Variants in CARHSP1 observed in about 807,000 individuals in gnomAD.
CARHSP1 encodes the protein calcium regulated heat stable protein 1, also known as calcium-regulated heat-stable protein 1.
A neutral mutation model predicts 12.5 loss-of-function variants in CARHSP1; 14 were observed. The observed-to-expected ratio is 1.12, with a 90% confidence interval of 0.74 to 1.75. CARHSP1 has a LOEUF of 1.75. Among genes scored for constraint, CARHSP1 ranks in the 40% most tolerant of loss-of-function variants. CARHSP1 has a pLI of 0.00. For missense variants in CARHSP1, 343 were observed against 201.6 expected (o/e 1.70, Z -4.25); for synonymous variants, 161 against 82.0 (o/e 1.96, Z -5.20).
At chr16:8,859,377 G>A (rs555766138) in intron 1 of CARHSP1, 42 bp from the exon 2 acceptor site, 4 of 1,562,288 alleles carry the variant, frequency 2.6e-6, no homozygotes, top group East Asian at 2.3e-5. Flanking sequence ...GCCTTGCAAG[G>A]TAGGGACCCT....
At chr16:8,864,111 G>A (rs2061416444) in intron 1 of CARHSP1, among the ~76,000 whole-genome samples, 1 of 152,244 alleles carries the variant, frequency 6.6e-6, no homozygotes, top group Non-Finnish European at 1.5e-5. Context: ...CTGCCAGGCT[G>A]CATGTACATG....
intron 1 of CARHSP1, chr16:8,860,603 A>C: frequency 1.4e-6 from 1 of 724,392 alleles, no homozygotes; most frequent in Non-Finnish European, 1.7e-6. Flanking sequence ...GGTGGGCATC[A>C]CTTGGCACCT....
chr16:8,855,377 C>G, intron 3 of CARHSP1, 51 bp from the exon 4 acceptor site: 1 of 1,411,738 alleles, frequency 7.1e-7, no homozygotes, highest in Non-Finnish European at 9.4e-7. Context: ...ACACAGCTCC[C>G]TTCCCCAAGA....
chr16:8,864,554 C>T (rs2061424025), intron 1 of CARHSP1, among the ~76,000 whole-genome samples: 3 of 152,224 alleles, frequency 2.0e-5, no homozygotes, highest in African/African-American at 7.2e-5. Flanking sequence ...GGTCGCCCGG[C>T]TAACAAAGAC....
intron 3 of CARHSP1, 111 bp from the exon 4 acceptor site, chr16:8,855,437 C>T: frequency 2.1e-6 from 2 of 960,602 alleles, no homozygotes; most frequent in Non-Finnish European, 2.8e-6. Context: ...CACCATCTGA[C>T]CAACCACCGG....
At chr16:8,856,503 C>A (rs563486585) in intron 3 of CARHSP1, among the ~76,000 whole-genome samples, 19 of 152,186 alleles carry the variant, frequency 1.2e-4, no homozygotes, top group African/African-American at 4.6e-4. Flanking sequence ...CTTACTGATT[C>A]AAAATCCTTT....
At chr16:8,864,986 C>T (rs2061430753) in intron 1 of CARHSP1, among the ~76,000 whole-genome samples, 1 of 152,214 alleles carries the variant, frequency 6.6e-6, no homozygotes, top group South Asian at 2.1e-4. Flanking sequence ...GCCCTCCTGG[C>T]CTGAAAACCC....
At chr16:8,864,059 T>C (rs1470199126) in intron 1 of CARHSP1, among the ~76,000 whole-genome samples, 9 of 152,232 alleles carry the variant, frequency 5.9e-5, no homozygotes, top group Admixed American at 5.9e-4. Context: ...GCTTCTGGCC[T>C]GCAACAAACT....
At chr16:8,858,897 ACT>A (rs761331203) in intron 2 of CARHSP1, 76 of 422,966 alleles carry the variant, frequency 1.8e-4, no homozygotes, top group African/African-American at 7.9e-4. Context: ...AGGGAACCAG[ACT>A]CTCATGTGTG....
intron 3 of CARHSP1, among the ~76,000 whole-genome samples, chr16:8,855,911 C>A (rs1323412326): frequency 6.6e-6 from 1 of 152,162 alleles, no homozygotes; most frequent in African/African-American, 2.4e-5. Context: ...CATCCACCTC[C>A]CGAGTTCAAG....
chr16:8,858,291 C>T lies in CARHSP1; in HGVS notation c.281+59G>A. 1.9e-6 allele frequency: 3 copies of T among 1,586,938 alleles called. No homozygotes were observed. In the South Asian group the frequency reaches 3.4e-5, roughly 18 times the overall value. ...TCAGAGTCACACACCATCCCCACCT[C>T]CACAGGGCCAAGGAAGCGCCCACCC... is the stretch of plus-strand genomic sequence containing the variant. On this transcript the variant is annotated intron_variant, in intron 3 of 3. Coordinates refer to ENST00000311052, the MANE Select transcript of CARHSP1 (RefSeq NM_014316.4).
chr16:8,863,827 TG>T (rs1456126863), intron 1 of CARHSP1, among the ~76,000 whole-genome samples: 2 of 152,166 alleles, frequency 1.3e-5, no homozygotes, highest in Non-Finnish European at 2.9e-5. Flanking sequence ...GCCTCTGCTG[TG>T]TCCCCTCCAC....
intron 1 of CARHSP1, among the ~76,000 whole-genome samples, chr16:8,861,355 A>T (rs2061348666): frequency 6.6e-6 from 1 of 150,974 alleles, no homozygotes; most frequent in Admixed American, 6.6e-5. Context: ...TTTCCTCAAA[A>T]TCCAGGTTTC....
chr16:8,861,903 C>T (rs994444056), intron 1 of CARHSP1: 13 of 821,504 alleles, frequency 1.6e-5, no homozygotes, highest in Middle Eastern at 5.4e-4. Flanking sequence ...GCAGTGGCCT[C>T]GCAACTCCAC....
intron 3 of CARHSP1, among the ~76,000 whole-genome samples, chr16:8,856,599 G>T (rs937396126): frequency 1.3e-5 from 2 of 151,142 alleles, no homozygotes; most frequent in African/African-American, 4.9e-5. Context: ...TCTCCTGCCT[G>T]CCGATCTGAT....
At chr16:8,858,903 A>G (rs77227244) in intron 2 of CARHSP1, 32 of 265,016 alleles carry the variant, frequency 1.2e-4, no homozygotes, top group African/African-American at 9.8e-4. Context: ...CCAGACTCTC[A>G]TGTGTGGTTA....
intron 1 of CARHSP1, chr16:8,860,656 G>T: frequency 7.0e-6 from 1 of 143,564 alleles, no homozygotes; most frequent in Non-Finnish European, 9.5e-6. Context: ...GTAGGGAGAA[G>T]CCTAACTAAC....
At position 8,866,525 on chromosome 16, in the gene CARHSP1, C is replaced by T. The variant is rs550186305; in HGVS notation, c.-8+2441G>A. 6 of 961,306 alleles carry T rather than the reference C, an allele frequency of 6.2e-6. No homozygotes were observed. The African/African-American group carries it at 7.0e-5, about 11-fold the overall frequency. The allele number at this position is 961,306 out of a possible 1,614,324, so 59.5% of individuals were successfully genotyped here. On this transcript the variant is annotated intron_variant, in intron 1 of 3. Transcript: ENST00000311052. ...CCCCAGCCTGGGAGAACTGCCGGCA[C>T]GTGGGCCGAGAGGCGGGGCGGGTCA...
chr16:8,857,274 T>TTGTTTTTTTG (rs1567181170), intron 3 of CARHSP1, among the ~76,000 whole-genome samples: 1 of 97,524 alleles, frequency 1.0e-5, no homozygotes, highest in African/African-American at 5.2e-5. Flanking sequence ...TTTTTTTTTT[T>TTGTTTTTTTG]TTTTTTTTTT....
Sources: gnomAD v4.1 joint callset for allele counts (sites outside exome capture counted in the v4.1 genomes callset) on GRCh38, gnomAD v4.1.1 for gene constraint, MANE v1.5 for transcripts, NCBI Gene and HGNC (gene_info 2026-07-23, HGNC 2026-07-21) for gene names.